The following SPATA18 variants were observed in gnomAD, a reference collection of about 807,000 sequenced individuals.
SPATA18 encodes spermatogenesis associated 18, also known as mitochondria-eating protein.
SPATA18 carries 54 observed loss-of-function variants against 68.1 expected under a neutral mutation model. The ratio of observed to expected loss-of-function variants is 0.79; its 90% confidence interval spans 0.64 to 0.99. The LOEUF is 0.99. SPATA18 is among the 50% of genes least tolerant of loss of function. SPATA18 has a pLI of 0.00. For missense variants in SPATA18, 724 were observed against 681.1 expected, an observed-to-expected ratio of 1.06 and a Z score of -0.70; for synonymous variants, 242 against 244.8, an observed-to-expected ratio of 0.99 and a Z score of 0.11.
At position 52,094,565 on chromosome 4, in the gene SPATA18, A is replaced by G. The variant is rs1742266729; in HGVS notation, c.1602A>G (p.Gly534=). 8 of 1,613,892 alleles carry G rather than the reference A, an allele frequency of 5.0e-6. No individual in the cohort carries two copies. The highest frequency in any genetic ancestry group is 6.8e-6 in the Non-Finnish European group (8 of 1,179,852). The part of the protein sequence containing the change: ...RSRSPSPIRC[G]LPRF ...GGAGTCCTTCTCCAATAAGATGTGG[A>G]TTGCCAAGTAAGTGGGATTAGTTCA... Residue 534 remains glycine, a synonymous_variant, in exon 12 of 13, where the codon GGA becomes GGG. Coordinates refer to ENST00000295213, the MANE Select transcript of SPATA18 (RefSeq NM_145263.4).
chr4:52,095,112 T>TA lies in SPATA18; in HGVS notation c.*230dup, dbSNP rs1457683491. On this transcript the variant is annotated 3_prime_UTR_variant, in exon 13 of 13. Transcript: ENST00000295213. ...ATAGATACTAATTCCATTAATTTCA[T>TA]AAAAATGATTGTATAGGCATTTAGG... 7.0e-6 allele frequency: 4 copies of TA among 571,614 alleles called. No individual in the cohort carries two copies. In the African/African-American group the frequency reaches 7.5e-5, roughly 11 times the overall value. 35.4% of individuals were successfully genotyped at this position (571,614 alleles called of 1,614,324 possible).
In SPATA18 at chr4:52,094,246, G is replaced by T. The variant is rs149789786; in HGVS notation, c.1564-281G>T. On this transcript the variant is annotated intron_variant, in intron 11 of 12. Coordinates refer to ENST00000295213, the MANE Select transcript of SPATA18 (RefSeq NM_145263.4). ...TGTATCATCATTTTAGCTTTAATTT[G>T]TGAGTTTTAATAAATATTTTTATTT... Among the ~76,000 whole-genome samples the T allele has an allele frequency of 3.6e-3, 545 of 152,226 alleles. 2 individuals are homozygous for T. Among genetic ancestry groups the T allele is most frequent in the African/African-American group, 0.013 (522 of 41,544 alleles).
At chr4:52,087,653 T>A (rs1741553869) in intron 11 of SPATA18, among the ~76,000 whole-genome samples, 1 of 152,208 alleles carries the variant, frequency 6.6e-6, no homozygotes, top group African/African-American at 2.4e-5. Flanking sequence ...ACAAGTACCA[T>A]GCTGTTTTGC....
intron 11 of SPATA18, among the ~76,000 whole-genome samples, chr4:52,089,992 G>A (rs1020322662): frequency 6.6e-6 from 1 of 152,128 alleles, no homozygotes; most frequent in African/African-American, 2.4e-5. Context: ...ATATATTTAG[G>A]ATGGTTAGTT....
chr4:52,064,250 T>A (rs900819331), intron 4 of SPATA18, among the ~76,000 whole-genome samples: 3 of 151,862 alleles, frequency 2.0e-5, no homozygotes, highest in Non-Finnish European at 4.4e-5. Context: ...AGATGCTTGC[T>A]GCTTTTCCCT....
intron 9 of SPATA18, among the ~76,000 whole-genome samples, chr4:52,080,912 C>A (rs1412384159): frequency 6.6e-6 from 1 of 152,176 alleles, no homozygotes; most frequent in Non-Finnish European, 1.5e-5. Context: ...TGGATAGTAC[C>A]ACTCAGAATC....
At chr4:52,071,799 A>G in intron 5 of SPATA18, 118 bp from the exon 6 acceptor site, 1 of 985,726 alleles carries the variant, frequency 1.0e-6, no homozygotes. Flanking sequence ...CAATAATGGC[A>G]GGCTGAGTAG....
intron 1 of SPATA18, among the ~76,000 whole-genome samples, chr4:52,052,120 T>A (rs889487464): frequency 2.0e-5 from 3 of 151,716 alleles, no homozygotes; most frequent in Non-Finnish European, 2.9e-5. Flanking sequence ...CCGCGGCTGG[T>A]CTGGTCATGC....
intron 10 of SPATA18, 58 bp from the exon 11 acceptor site, chr4:52,084,858 C>G: frequency 6.5e-7 from 1 of 1,531,720 alleles, no homozygotes; most frequent in East Asian, 2.3e-5. Context: ...TTGTTTTGAG[C>G]CATGACAGTT....
At position 52,094,411 on chromosome 4, in the gene SPATA18, A is replaced by G. The variant is rs1402115515; in HGVS notation, c.1564-116A>G. On this transcript the variant is annotated intron_variant, in intron 11 of 12. Coordinates refer to ENST00000295213, the MANE Select transcript of SPATA18 (RefSeq NM_145263.4). Reference sequence around the variant, plus strand: ...CCTTAGGGTGAAAAATCATAGTGCTAAAGTGCCTCAGAGAAAGCTATTTGG... The same window carrying G: ...CCTTAGGGTGAAAAATCATAGTGCTGAAGTGCCTCAGAGAAAGCTATTTGG... 9.2e-6 allele frequency: 8 copies of G among 866,366 alleles called. No individual in the cohort carries two copies. In the East Asian group the frequency reaches 1.3e-4, roughly 14 times the overall value. The allele number at this position is 866,366 out of a possible 1,614,324, so 53.7% of individuals were successfully genotyped here. A position where few individuals can be genotyped will look rare whatever the true frequency, so the allele number is the denominator to read the frequency against.
intron 3 of SPATA18, 60 bp downstream of exon 3, chr4:52,060,957 A>C: frequency 7.4e-7 from 1 of 1,354,488 alleles, no homozygotes; most frequent in East Asian, 2.3e-5. Context: ...CGAATCAGAA[A>C]CCTCCAAGAG....
chr4:52,051,830 A>G, intron 1 of SPATA18, 39 bp downstream of exon 1: 10 of 1,569,640 alleles, frequency 6.4e-6, no homozygotes, highest in African/African-American at 1.5e-5. Flanking sequence ...TCGCCCTCCC[A>G]TAGGTTCCAG....
intron 1 of SPATA18, among the ~76,000 whole-genome samples, chr4:52,055,639 T>C (rs1010044893): frequency 6.6e-6 from 1 of 152,212 alleles, no homozygotes; most frequent in Non-Finnish European, 1.5e-5. Flanking sequence ...CAATCTTCAT[T>C]GCATATAGGA....
intron 11 of SPATA18, among the ~76,000 whole-genome samples, chr4:52,091,904 G>A (rs1741995775): frequency 6.6e-6 from 1 of 152,204 alleles, no homozygotes; most frequent in Non-Finnish European, 1.5e-5. Flanking sequence ...GAGATGCCCT[G>A]TCCAAAGAGG....
Position 52,051,607 on chromosome 4 carries a change from A to G in SPATA18, c.-98A>G. 8.8e-7 allele frequency: 1 copy of G among 1,133,004 alleles called. No homozygotes were observed. The highest frequency in any genetic ancestry group is 1.5e-5 in the African/African-American group (1 of 64,604). The allele number at this position is 1,133,004 out of a possible 1,614,324, so 70.2% of individuals were successfully genotyped here. A position where few individuals can be genotyped will look rare whatever the true frequency, so the allele number is the denominator to read the frequency against. On this transcript the variant is annotated 5_prime_UTR_variant, in exon 1 of 13. Transcript: ENST00000295213. ...CGCTCTGAGCCCCCCAGAAGAGAAC[A>G]CCCTTCCCGCCATATCACCCCACGG...
rs989862966 is a variant in SPATA18, at chr4:52,069,731, T to C, written c.423-90T>C. 3 of 804,094 alleles carry C rather than the reference T, an allele frequency of 3.7e-6. No individual in the cohort carries two copies. The Admixed American group carries it at 8.6e-5, about 23-fold the overall frequency. 49.8% of individuals were successfully genotyped at this position (804,094 alleles called of 1,614,324 possible). ...CTTGTTTATGTTGAACTATGTCATA[T>C]ACCAGAAGTTCCTAAGTGAGCCTCT... On this transcript the variant is annotated intron_variant, in intron 4 of 12. Coordinates refer to ENST00000295213, the MANE Select transcript of SPATA18 (RefSeq NM_145263.4).
chr4:52,074,567 A>G (rs1243379816), intron 6 of SPATA18, among the ~76,000 whole-genome samples: 1 of 152,156 alleles, frequency 6.6e-6, no homozygotes, highest in Non-Finnish European at 1.5e-5. Context: ...CATGAGTGGT[A>G]TTAGGAGTGC....
chr4:52,060,393 GGTT>G (rs770599522), intron 1 of SPATA18, 23 bp from the exon 2 acceptor site: 1 of 1,597,218 alleles, frequency 6.3e-7, no homozygotes, highest in Admixed American at 1.7e-5. Flanking sequence ...TAATTACCCT[GGTT>G]ATCTACTGTT....
At chr4:52,058,116 C>T (rs545455597) in intron 1 of SPATA18, among the ~76,000 whole-genome samples, 49 of 152,282 alleles carry the variant, frequency 3.2e-4, no homozygotes, top group Middle Eastern at 3.4e-3. Context: ...GCTGAATTAA[C>T]GAGGAAGAAA....
Sources: allele counts gnomAD v4.1 joint callset (sites outside exome capture counted in the v4.1 genomes callset), GRCh38; gene constraint gnomAD v4.1.1; transcripts MANE v1.5; gene names NCBI Gene and HGNC (gene_info 2026-07-23, HGNC 2026-07-21).